Variants in LIFR observed in about 807,000 individuals in gnomAD.
LIFR encodes leukemia inhibitory factor receptor.
In LIFR, 84 loss-of-function variants were observed where a neutral mutation model predicts 122.2. The observed-to-expected ratio is 0.69, with a 90% confidence interval of 0.58 to 0.82. The LOEUF is 0.82. Among genes scored for constraint, LIFR ranks in the 40% least tolerant of loss-of-function variants. The pLI, the probability that LIFR is intolerant of heterozygous loss-of-function variation, is 0.00. For missense variants in LIFR, 1,294 were observed against 1,311.6 expected, an observed-to-expected ratio of 0.99 and a Z score of 0.21; for synonymous variants, 422 against 434.7, an observed-to-expected ratio of 0.97 and a Z score of 0.36.
chr5:38,578,879 C>T (rs546567328), intron 1 of LIFR, among the ~76,000 whole-genome samples: 4 of 152,214 alleles, frequency 2.6e-5, no homozygotes, highest in Admixed American at 6.5e-5. Flanking sequence ...CTTTAAGACA[C>T]GTTTCATATA....
intron 1 of LIFR, among the ~76,000 whole-genome samples, chr5:38,607,027 C>A (rs1750343490): frequency 6.6e-6 from 1 of 152,280 alleles, no homozygotes; most frequent in Admixed American, 6.5e-5. Flanking sequence ...TTTTCCATCC[C>A]CACTAGTTCC....
chr5:38,538,983 C>T (rs576025851), intron 1 of LIFR, among the ~76,000 whole-genome samples: 7 of 151,736 alleles, frequency 4.6e-5, no homozygotes, highest in East Asian at 1.9e-4. Context: ...TTTTTTGAGA[C>T]GGAGTCTCGC....
chr5:38,563,695 A>G (rs1418544864), intron 1 of LIFR, among the ~76,000 whole-genome samples: 1 of 152,006 alleles, frequency 6.6e-6, no homozygotes. Flanking sequence ...CATCCTCCCT[A>G]CAATCCTGCA....
chr5:38,601,522 G>A (rs1424198603), intron 2 of LIFR, among the ~76,000 whole-genome samples: 3 of 152,140 alleles, frequency 2.0e-5, no homozygotes, highest in South Asian at 2.1e-4. Context: ...CTGAGTTCCC[G>A]CCATGGCATA....
chr5:38,515,064 T>C (rs762837499), intron 5 of LIFR, among the ~76,000 whole-genome samples: 1 of 152,114 alleles, frequency 6.6e-6, no homozygotes, highest in Admixed American at 6.6e-5. Context: ...TTGTAGGAAA[T>C]ACCCTAGATG....
rs114701557 is a variant in LIFR, at chr5:38,496,349, G to A, written c.1885+33C>T. On this transcript the variant is annotated intron_variant, in intron 13 of 19. Coordinates refer to ENST00000453190, the MANE Select transcript of LIFR (RefSeq NM_001127671.2). The stretch of plus-strand genomic sequence containing the variant: ...CAGACATTTCTCACTTTAGTTTCCC[G>A]TTCTTATATACTAAATCATCTCAAG... 488 of 1,496,208 alleles carry A rather than the reference G, an allele frequency of 3.3e-4. 3 individuals are homozygous for A. In the African/African-American group the frequency reaches 5.6e-3, roughly 17 times the overall value. 92.7% of individuals were successfully genotyped at this position (1,496,208 alleles called of 1,614,324 possible).
At chr5:38,554,175 CCTT>C (rs1449663266) in intron 1 of LIFR, among the ~76,000 whole-genome samples, 4 of 152,236 alleles carry the variant, frequency 2.6e-5, no homozygotes, top group Middle Eastern at 3.4e-3. Context: ...TGTATCTGTT[CCTT>C]CTTTTCTTTT....
intron 1 of LIFR, among the ~76,000 whole-genome samples, chr5:38,545,807 A>G (rs1234890100): frequency 6.6e-6 from 1 of 150,474 alleles, no homozygotes; most frequent in African/African-American, 2.4e-5. Flanking sequence ...CCTTGCAGTG[A>G]GCCGAGATCA....
chr5:38,477,905 T>C lies in LIFR; in HGVS notation c.*3690A>G. 1 of 215,212 alleles carries C rather than the reference T, an allele frequency of 4.6e-6. No homozygotes were observed. The highest frequency in any genetic ancestry group is 9.4e-6 in the Non-Finnish European group (1 of 106,512). The allele number at this position is 215,212 out of a possible 1,614,324, so 13.3% of individuals were successfully genotyped here. A position where few individuals can be genotyped will look rare whatever the true frequency, so the allele number is the denominator to read the frequency against. On this transcript the variant is annotated 3_prime_UTR_variant, in exon 20 of 20. Transcript: ENST00000453190. ...AGGCATTTCATAAAATGCACACAAA[T>C]TTTAACATAATTCAAAATAGAGAAT...
rs774354232 is a variant in LIFR, at chr5:38,481,787, T to C, written c.3102A>G (p.Val1034=). The C allele has an allele frequency of 3.7e-6, 6 of 1,613,994 alleles. No individual in the cohort carries two copies. Among genetic ancestry groups the C allele is most frequent in the Non-Finnish European group, 3.4e-6 (4 of 1,180,008 alleles). The part of the protein sequence containing the change: ...KTAGYRPQAN[V]NTWNLVSPDS... ...CTGGAGACACTAAATTCCATGTATT[T>C]ACATTGGCCTGAGGTCTGTAACCCG... is the stretch of plus-strand genomic sequence containing the variant. The change falls in exon 20 of 20, where the codon GTA becomes GTG. Residue 1034 remains valine (V), a synonymous_variant. Transcript: ENST00000453190.
intron 1 of LIFR, among the ~76,000 whole-genome samples, chr5:38,538,803 A>G (rs747722938): frequency 1.3e-5 from 2 of 152,338 alleles, no homozygotes; most frequent in Non-Finnish European, 2.9e-5. Flanking sequence ...AATAGCATCT[A>G]TATCACTAAC....
chr5:38,481,418 T>A lies in LIFR; in HGVS notation c.*177A>T. Reference sequence around the variant, plus strand: ...ATTGAGGATTCTGAGTCACTATACTTTGGCTTTTAGACTACATTAAAAGCA... The same window carrying A: ...ATTGAGGATTCTGAGTCACTATACTATGGCTTTTAGACTACATTAAAAGCA... On this transcript the variant is annotated 3_prime_UTR_variant, in exon 20 of 20. Coordinates refer to ENST00000453190, the MANE Select transcript of LIFR (RefSeq NM_001127671.2). 1 of 691,230 alleles carries A rather than the reference T, an allele frequency of 1.4e-6. No individual in the cohort carries two copies. The highest frequency in any genetic ancestry group is 2.5e-6 in the Non-Finnish European group (1 of 402,338). The allele number at this position is 691,230 out of a possible 1,614,324, so 42.8% of individuals were successfully genotyped here.
chr5:38,518,224 TA>T (rs1161837976), intron 5 of LIFR, among the ~76,000 whole-genome samples: 1 of 152,070 alleles, frequency 6.6e-6, no homozygotes, highest in Non-Finnish European at 1.5e-5. Context: ...TAAATTAAAA[TA>T]TATATATTTC....
intron 1 of LIFR, among the ~76,000 whole-genome samples, chr5:38,583,862 G>C (rs932770907): frequency 2.6e-5 from 4 of 152,154 alleles, no homozygotes; most frequent in Admixed American, 2.6e-4. Flanking sequence ...TCTCATGGTA[G>C]TGAATAAGTC....
intron 1 of LIFR, among the ~76,000 whole-genome samples, chr5:38,593,210 A>AAAAAC (rs1021346352): frequency 7.2e-5 from 11 of 152,142 alleles, no homozygotes; most frequent in South Asian, 2.1e-4. Context: ...CTCAAAACCA[A>AAAAAC]AAAACAAAAC....
chr5:38,506,997 T>C (rs1745521518), intron 7 of LIFR, among the ~76,000 whole-genome samples: 1 of 152,150 alleles, frequency 6.6e-6, no homozygotes, highest in South Asian at 2.1e-4. Context: ...GTTAAAAGTA[T>C]TATCATCTAT....
intron 1 of LIFR, among the ~76,000 whole-genome samples, chr5:38,577,676 T>G (rs1396152927): frequency 6.6e-6 from 1 of 152,250 alleles, no homozygotes; most frequent in Admixed American, 6.5e-5. Flanking sequence ...ATGTTTGTTT[T>G]GCTTAACACA....
At chr5:38,488,429 T>C (rs544293366) in intron 16 of LIFR, among the ~76,000 whole-genome samples, 1 of 152,322 alleles carries the variant, frequency 6.6e-6, no homozygotes, top group East Asian at 1.9e-4. Context: ...GAAAAGATGA[T>C]ATGCTTGTGT....
chr5:38,536,637 C>T (rs1747309881), intron 1 of LIFR, among the ~76,000 whole-genome samples: 1 of 152,150 alleles, frequency 6.6e-6, no homozygotes, highest in Admixed American at 6.5e-5. Context: ...ATCATAAATA[C>T]TCATTAAATT....
Sources: allele counts gnomAD v4.1 joint callset (sites outside exome capture counted in the v4.1 genomes callset), GRCh38; gene constraint gnomAD v4.1.1; transcripts MANE v1.5; gene names NCBI Gene and HGNC (gene_info 2026-07-23, HGNC 2026-07-21).